Variants in HMGXB4 observed in about 807,000 individuals in gnomAD.
HMGXB4 encodes the protein HMG-box containing 4, also known as HMG domain-containing protein 4.
A neutral mutation model predicts 63.9 loss-of-function variants in HMGXB4; 27 were observed. The observed-to-expected ratio is 0.42, with a 90% CI of 0.31 to 0.58. The LOEUF is 0.58. Ranked by LOEUF, HMGXB4 falls within the 20% of genes least tolerant of loss-of-function variation. The pLI, the probability that HMGXB4 is intolerant of heterozygous loss-of-function variation, is 0.13. For missense variants in HMGXB4, 624 were observed against 700.7 expected, an observed-to-expected ratio of 0.89 and a Z score of 1.24; for synonymous variants, 264 against 265.3, an observed-to-expected ratio of 0.99 and a Z score of 0.05.
chr22:35,276,789 A>C (rs561133701), intron 5 of HMGXB4, among the ~76,000 whole-genome samples: 2 of 152,368 alleles, frequency 1.3e-5, no homozygotes, highest in African/African-American at 4.8e-5. Context: ...TCACCAGAAG[A>C]ATACTAAAAT....
At chr22:35,261,688 G>T (rs1568994418) in intron 1 of HMGXB4, among the ~76,000 whole-genome samples, 1 of 152,134 alleles carries the variant, frequency 6.6e-6, no homozygotes, top group Non-Finnish European at 1.5e-5. Flanking sequence ...AGCCTTGGTG[G>T]TGGTGACAGC....
chr22:35,262,547 T>C, intron 2 of HMGXB4, 126 bp downstream of exon 2: 1 of 981,140 alleles, frequency 1.0e-6, no homozygotes, highest in South Asian at 1.4e-5. Context: ...CAGAGCACTG[T>C]TATGACACTC....
At chr22:35,258,282 T>A (rs1432229438) in intron 1 of HMGXB4, 2 of 152,182 alleles carry the variant, frequency 1.3e-5, no homozygotes, top group Non-Finnish European at 2.9e-5. Flanking sequence ...CTCCACCAAC[T>A]ACTACTTGTA....
chr22:35,258,429 C>T (rs958955590), intron 1 of HMGXB4: 1 of 152,230 alleles, frequency 6.6e-6, no homozygotes, highest in Non-Finnish European at 1.5e-5. Context: ...GTTGATTGGA[C>T]AAGGCTTCTC....
chr22:35,264,908 C>T lies in HMGXB4; in HGVS notation c.520C>T (p.Pro174Ser), dbSNP rs1568996310. 3.1e-6 allele frequency: 5 copies of T among 1,614,054 alleles called. No homozygotes were observed. The highest frequency in any genetic ancestry group is 4.2e-6 in the Non-Finnish European group (5 of 1,180,006). The change falls in exon 5 of 11, where the codon CCT becomes TCT. Residue 174 changes from proline to serine, a missense_variant. Physicochemically the swap from Pro to Ser is moderately conservative, Grantham distance 74. Transcript: ENST00000216106. Reference protein sequence around the residue: ...GGSHKSKKMKPLYVNTETLTL... With the variant: ...GGSHKSKKMKSLYVNTETLTL... Reference sequence around the variant, plus strand: ...CTCCCACAAATCGAAAAAAATGAAACCTCTCTATGTGAACACAGAGACACT... The same window carrying T: ...CTCCCACAAATCGAAAAAAATGAAATCTCTCTATGTGAACACAGAGACACT...
chr22:35,270,591 C>T (rs926444211), intron 5 of HMGXB4, among the ~76,000 whole-genome samples: 4 of 152,200 alleles, frequency 2.6e-5, no homozygotes, highest in Non-Finnish European at 4.4e-5. Context: ...ACCTAGTGGG[C>T]TTGTATCTGG....
chr22:35,258,888 G>A (rs1348640127), intron 1 of HMGXB4, among the ~76,000 whole-genome samples: 1 of 152,186 alleles, frequency 6.6e-6, no homozygotes, highest in Admixed American at 6.5e-5. Flanking sequence ...TCCGTGTGAC[G>A]GGGCTTACTT....
At chr22:35,245,908 G>C in the HMGXB4 span, among the ~76,000 whole-genome samples, 1 of 152,122 alleles carries the variant, frequency 6.6e-6, no homozygotes, top group Admixed American at 6.5e-5. Flanking sequence ...CTGACACCAG[G>C]TCCAGGGGGA....
intron 1 of HMGXB4, chr22:35,258,338 T>C (rs1269065178): frequency 6.6e-6 from 1 of 152,198 alleles, no homozygotes; most frequent in Non-Finnish European, 1.5e-5. Flanking sequence ...CTCTGTCCCC[T>C]CTTTTGGAGG....
At chr22:35,262,443 A>C in intron 2 of HMGXB4, 22 bp downstream of exon 2, 1 of 1,609,518 alleles carries the variant, frequency 6.2e-7, no homozygotes, top group Non-Finnish European at 8.5e-7. Flanking sequence ...TAATCTGAGA[A>C]GCATTCCAAA....
chr22:35,252,521 T>G (rs1020916931), upstream of HMGXB4, among the ~76,000 whole-genome samples: 4 of 152,374 alleles, frequency 2.6e-5, no homozygotes, highest in African/African-American at 7.2e-5. Flanking sequence ...TTCCATGTTG[T>G]CACAGATGGC....
chr22:35,259,816 T>G (rs1000365778), intron 1 of HMGXB4, among the ~76,000 whole-genome samples: 1 of 152,252 alleles, frequency 6.6e-6, no homozygotes, highest in Non-Finnish European at 1.5e-5. Flanking sequence ...TCAGGTTATT[T>G]AATCCAGTAA....
rs1442469961 is a variant in HMGXB4, at chr22:35,263,109, C to T, written c.63C>T (p.Asp21=). ...TTGATGGTGATCATACCTTTGAGGA[C>T]ATAGGACTTGCAGCTGGCCGAAGCC... ...DCFDGDHTFE[D]IGLAAGRSQR... The change falls in exon 3 of 11, where the codon GAC becomes GAT. Residue 21 remains aspartate, a synonymous_variant. Transcript: ENST00000216106. 1.2e-6 allele frequency: 2 copies of T among 1,613,924 alleles called. No homozygotes were observed. Among genetic ancestry groups the T allele is most frequent in the Non-Finnish European group, 1.7e-6 (2 of 1,179,938 alleles).
chr22:35,247,293 A>T, the HMGXB4 span, among the ~76,000 whole-genome samples: 50 of 152,118 alleles, frequency 3.3e-4, no homozygotes, highest in Middle Eastern at 0.01. Context: ...AATTTCCCTC[A>T]CTCCCGAGTG....
At position 35,293,737 on chromosome 22, in the gene HMGXB4, T is replaced by A; in HGVS notation, c.*86T>A. 1 of 956,660 alleles carries A rather than the reference T, an allele frequency of 1.0e-6. No individual in the cohort carries two copies. Among genetic ancestry groups the A allele is most frequent in the South Asian group, 1.4e-5 (1 of 69,462 alleles). The allele number at this position is 956,660 out of a possible 1,614,324, so 59.3% of individuals were successfully genotyped here. The stretch of plus-strand genomic sequence containing the variant: ...ACTGTTGCAGATTCCTTCAGTGGCC[T>A]CTGGCTGTAGGTTTTAAATTTTTAT... On this transcript the variant is annotated 3_prime_UTR_variant, in exon 11 of 11. Coordinates refer to ENST00000216106, the MANE Select transcript of HMGXB4 (RefSeq NM_001003681.3).
upstream of HMGXB4, among the ~76,000 whole-genome samples, chr22:35,255,531 A>T (rs1216442244): frequency 6.6e-6 from 1 of 151,628 alleles, no homozygotes; most frequent in African/African-American, 2.4e-5. Flanking sequence ...AACAAACAAA[A>T]CCTCCCTCCA....
chr22:35,261,101 T>C (rs1024117848), intron 1 of HMGXB4, among the ~76,000 whole-genome samples: 7 of 152,234 alleles, frequency 4.6e-5, no homozygotes, highest in Admixed American at 6.5e-5. Context: ...ATTTTAAAAT[T>C]CCTGAAGGAC....
intron 5 of HMGXB4, among the ~76,000 whole-genome samples, chr22:35,275,268 C>G (rs1012022537): frequency 6.6e-6 from 1 of 151,744 alleles, no homozygotes; most frequent in African/African-American, 2.4e-5. Context: ...TACAGGTGCC[C>G]ACCACCACAC....
chr22:35,258,951 A>T (rs964740928), intron 1 of HMGXB4, among the ~76,000 whole-genome samples: 2 of 152,136 alleles, frequency 1.3e-5, no homozygotes, highest in African/African-American at 4.8e-5. Context: ...AAGGTTGTTG[A>T]TTGCAGGAGC....
Sources: gnomAD v4.1 joint callset for allele counts (sites outside exome capture counted in the v4.1 genomes callset) on GRCh38, gnomAD v4.1.1 for gene constraint, MANE v1.5 for transcripts, NCBI Gene and HGNC (gene_info 2026-07-23, HGNC 2026-07-21) for gene names.